The following SLC49A4 variants were observed in gnomAD, a reference collection of about 807,000 sequenced individuals.
SLC49A4 encodes disrupted in renal cancer protein 2.
Under a neutral mutation model 50.6 loss-of-function variants are expected in SLC49A4, and 36 were observed. The ratio of observed to expected loss-of-function variants is 0.71; its 90% confidence interval spans 0.55 to 0.94. The LOEUF is 0.94. Among genes scored for constraint, SLC49A4 ranks in the 40% least tolerant of loss-of-function variants. The pLI is 0.00. For synonymous variants in SLC49A4, 248 were observed against 241.2 expected (o/e 1.03, Z -0.26); for missense variants, 503 against 605.7 (o/e 0.83, Z 1.78).
intron 4 of SLC49A4, among the ~76,000 whole-genome samples, chr3:122,842,313 C>T (rs1443806356): frequency 1.3e-5 from 2 of 151,566 alleles, no homozygotes; most frequent in Non-Finnish European, 2.9e-5. Context: ...GGTGAAACCC[C>T]GTCTCTACTA....
In SLC49A4 at chr3:122,795,554, C is replaced by T; in HGVS notation, c.343+19C>T. The T allele has an allele frequency of 3.8e-6, 6 of 1,573,442 alleles. No individual in the cohort carries two copies. The highest frequency in any genetic ancestry group is 1.1e-5 in the South Asian group (1 of 87,808). ...AAGAGAGGTGAGGGGTCGCGGAGCG[C>T]CAGCCCGCGCTGTCTCTCCTCCGGG... On this transcript the variant is annotated intron_variant, in intron 1 of 8. Coordinates refer to ENST00000261038, the MANE Select transcript of SLC49A4 (RefSeq NM_032839.3).
chr3:122,802,959 A>C (rs1560191623), intron 1 of SLC49A4, among the ~76,000 whole-genome samples: 1 of 152,202 alleles, frequency 6.6e-6, no homozygotes, highest in Non-Finnish European at 1.5e-5. Context: ...ATGTAATTGG[A>C]GTCTCATAAG....
Position 122,795,095 on chromosome 3 carries a change from C to T in SLC49A4, c.-98C>T, listed in dbSNP as rs897663342. ...GTCCGGAGGCCGAGGGCGACCACAG[C>T]AGCCTCCGCCTCCTGCTGCTCAGGA... On this transcript the variant is annotated 5_prime_UTR_variant, in exon 1 of 9. Coordinates refer to ENST00000261038, the MANE Select transcript of SLC49A4 (RefSeq NM_032839.3). The T allele has an allele frequency of 1.6e-6, 2 of 1,213,078 alleles. No individual in the cohort carries two copies. The highest frequency in any genetic ancestry group is 2.1e-6 in the Non-Finnish European group (2 of 972,894). 75.1% of individuals were successfully genotyped at this position (1,213,078 alleles called of 1,614,324 possible). A position where few individuals can be genotyped will look rare whatever the true frequency, so the allele number is the denominator to read the frequency against.
At position 122,815,021 on chromosome 3, in the gene SLC49A4, T is replaced by C. The variant is rs373543773; in HGVS notation, c.437+8071T>C. Among the ~76,000 whole-genome samples the C allele has an allele frequency of 8.5e-5, 13 of 152,260 alleles. 2 individuals are homozygous for C. Among genetic ancestry groups the C allele is most frequent in the East Asian group, 1.9e-4 (1 of 5,184 alleles). On this transcript the variant is annotated intron_variant, in intron 2 of 8. Transcript: ENST00000261038. ...TGCTCCAGCATCTCCTAGGGTGATA[T>C]TATTGTCTGTATCATGCTGTCATTC...
intron 5 of SLC49A4, among the ~76,000 whole-genome samples, chr3:122,852,209 C>G (rs1332181933): frequency 6.6e-6 from 1 of 152,100 alleles, no homozygotes; most frequent in Non-Finnish European, 1.5e-5. Flanking sequence ...CCAGGCTGGT[C>G]TCAAACTCCT....
intron 4 of SLC49A4, among the ~76,000 whole-genome samples, chr3:122,844,214 G>A (rs981343931): frequency 6.6e-6 from 1 of 152,128 alleles, no homozygotes; most frequent in Non-Finnish European, 1.5e-5. Flanking sequence ...GGGATTACAG[G>A]TGCACACCAC....
At chr3:122,860,401 C>T (rs906054277) in intron 7 of SLC49A4, among the ~76,000 whole-genome samples, 199 bp downstream of exon 7, 1 of 152,110 alleles carries the variant, frequency 6.6e-6, no homozygotes, top group African/African-American at 2.4e-5. Flanking sequence ...TGGTATTTTT[C>T]ACATGGAAAA....
chr3:122,833,979 T>G (rs1468483809), intron 4 of SLC49A4, among the ~76,000 whole-genome samples: 2 of 152,176 alleles, frequency 1.3e-5, no homozygotes, highest in African/African-American at 4.8e-5. Context: ...TTAATTTTAT[T>G]GGTATAACTT....
At chr3:122,816,389 C>CA (rs768071258) in intron 2 of SLC49A4, among the ~76,000 whole-genome samples, 1 of 152,108 alleles carries the variant, frequency 6.6e-6, no homozygotes, top group South Asian at 2.1e-4. Flanking sequence ...GCAAGAAACA[C>CA]AGAGTAATGT....
chr3:122,795,592 C>T (rs557377559), intron 1 of SLC49A4, 57 bp downstream of exon 1: 17 of 1,537,218 alleles, frequency 1.1e-5, no homozygotes, highest in Non-Finnish European at 1.4e-5. Flanking sequence ...CAGGCGCCTG[C>T]CCGCGCTCCA....
At chr3:122,858,393 G>A (rs1937015938) in intron 6 of SLC49A4, among the ~76,000 whole-genome samples, 1 of 152,142 alleles carries the variant, frequency 6.6e-6, no homozygotes, top group Admixed American at 6.5e-5. Flanking sequence ...ATGTAAATCT[G>A]AAAACTGTTA....
At chr3:122,831,230 A>G (rs1256850696) in intron 3 of SLC49A4, among the ~76,000 whole-genome samples, 1 of 152,176 alleles carries the variant, frequency 6.6e-6, no homozygotes, top group African/African-American at 2.4e-5. Context: ...GTTCCTCAAA[A>G]TGTTAAACAA....
chr3:122,845,738 G>A (rs1278546077), intron 4 of SLC49A4, 25 bp from the exon 5 acceptor site: 2 of 1,354,006 alleles, frequency 1.5e-6, no homozygotes, highest in East Asian at 5.3e-5. Flanking sequence ...TTGTTACAAT[G>A]TTTCCTTTTA....
At chr3:122,808,692 C>A (rs1576291650) in intron 2 of SLC49A4, among the ~76,000 whole-genome samples, 1 of 152,202 alleles carries the variant, frequency 6.6e-6, no homozygotes, top group East Asian at 1.9e-4. Flanking sequence ...TCGGCTGCTC[C>A]TTTGAGAATG....
At chr3:122,877,247 C>T (rs149717882) in intron 8 of SLC49A4, among the ~76,000 whole-genome samples, 5,016 of 152,176 alleles carry the variant, frequency 0.033, 121 homozygotes, top group Middle Eastern at 0.071. Context: ...TAGAGGTTCC[C>T]CTATCTCTGA....
chr3:122,871,585 T>C (rs1937197508), intron 7 of SLC49A4, among the ~76,000 whole-genome samples: 1 of 152,138 alleles, frequency 6.6e-6, no homozygotes, highest in South Asian at 2.1e-4. Context: ...ATGATATACT[T>C]ATTAGGATAT....
chr3:122,827,210 A>C, intron 3 of SLC49A4, 145 bp downstream of exon 3: 1 of 898,448 alleles, frequency 1.1e-6, no homozygotes, highest in Non-Finnish European at 1.6e-6. Flanking sequence ...ATTCCTTGTC[A>C]TATGATATAG....
chr3:122,872,589 A>T lies in SLC49A4; in HGVS notation c.1313A>T (p.Tyr438Phe). The T allele has an allele frequency of 6.3e-7, 1 of 1,578,648 alleles. No homozygotes were observed. Among genetic ancestry groups the T allele is most frequent in the Non-Finnish European group, 8.6e-7 (1 of 1,157,860 alleles). Residue 438 changes from tyrosine (Y) to phenylalanine (F), a missense_variant, in exon 8 of 9, where the codon TAT becomes TTT. Physicochemically the swap from Tyr to Phe is conservative, Grantham distance 22. Transcript: ENST00000261038. ...MGVLLFFLTF[Y>F]HTELSWFNWC... ...GTACTTTTATTTTTTCTCACATTTT[A>T]TCATACAGGTAAGAAATTTGATTTT...
chr3:122,817,307 C>T (rs1457238191), intron 2 of SLC49A4, among the ~76,000 whole-genome samples: 1 of 152,100 alleles, frequency 6.6e-6, no homozygotes, highest in African/African-American at 2.4e-5. Context: ...GGCCCTGAGC[C>T]AACGAATGCG....
Sources: gnomAD v4.1 joint callset for allele counts (sites outside exome capture counted in the v4.1 genomes callset) on GRCh38, gnomAD v4.1.1 for gene constraint, MANE v1.5 for transcripts, NCBI Gene and HGNC (gene_info 2026-07-23, HGNC 2026-07-21) for gene names.